PKIB: variants seen among roughly 807,000 people sequenced by gnomAD.
PKIB encodes cAMP-dependent protein kinase inhibitor beta.
In PKIB, 2 loss-of-function variants were observed where a neutral mutation model predicts 4.5. The observed-to-expected ratio is 0.44, with a 90% CI of 0.18 to 1.39. PKIB has a LOEUF of 1.39. Among genes scored for constraint, PKIB ranks in the 40% most tolerant of loss-of-function variants. The pLI, the probability that PKIB is intolerant of heterozygous loss-of-function variation, is 0.27. For missense variants in PKIB, 94 were observed against 92.6 expected (o/e 1.02, Z -0.06); for synonymous variants, 38 against 36.0 (o/e 1.06, Z -0.20).
At chr6:122,563,971 G>A (rs2114678409) in intron 2 of PKIB, among the ~76,000 whole-genome samples, 1 of 152,294 alleles carries the variant, frequency 6.6e-6, no homozygotes, top group East Asian at 1.9e-4. Flanking sequence ...TGGCAAGGAG[G>A]CTTCTCATCG....
intron 3 of PKIB, among the ~76,000 whole-genome samples, chr6:122,690,210 C>T (rs1300252966): frequency 6.6e-6 from 1 of 151,370 alleles, no homozygotes; most frequent in Non-Finnish European, 1.5e-5. Flanking sequence ...ATCCATTCAA[C>T]CACTCTGTGT....
chr6:122,697,974 A>G (rs939882652), intron 3 of PKIB, among the ~76,000 whole-genome samples: 2 of 152,158 alleles, frequency 1.3e-5, no homozygotes, highest in Non-Finnish European at 2.9e-5. Flanking sequence ...CTTTAAAGTG[A>G]GACCCTTAGG....
chr6:122,676,968 C>A (rs1397988365), intron 3 of PKIB, among the ~76,000 whole-genome samples: 1 of 152,118 alleles, frequency 6.6e-6, no homozygotes, highest in Non-Finnish European at 1.5e-5. Context: ...CCGTGATTTC[C>A]TGTCTTTACT....
chr6:122,642,437 G>T (rs1776156046), intron 2 of PKIB, among the ~76,000 whole-genome samples: 1 of 152,218 alleles, frequency 6.6e-6, no homozygotes, highest in South Asian at 2.1e-4. Context: ...GGCATTCTTA[G>T]AGACACCTCG....
At chr6:122,719,619 G>A (rs1351384472) in intron 4 of PKIB, among the ~76,000 whole-genome samples, 2 of 151,872 alleles carry the variant, frequency 1.3e-5, no homozygotes, top group Non-Finnish European at 2.9e-5. Flanking sequence ...TAAGTTCAGG[G>A]GATCTATTGT....
intron 2 of PKIB, chr6:122,479,067 C>A (rs757179239): frequency 6.6e-6 from 1 of 152,144 alleles, no homozygotes; most frequent in Admixed American, 6.5e-5. Flanking sequence ...GCTTGCCCTT[C>A]GTGGCTGCAC....
chr6:122,683,515 C>T (rs1019625808), intron 3 of PKIB, among the ~76,000 whole-genome samples: 5 of 152,164 alleles, frequency 3.3e-5, no homozygotes, highest in African/African-American at 7.2e-5. Context: ...GATTACAATT[C>T]AGCAGAGATT....
chr6:122,653,316 T>G (rs1451375954), intron 2 of PKIB, among the ~76,000 whole-genome samples: 1 of 152,122 alleles, frequency 6.6e-6, no homozygotes, highest in Non-Finnish European at 1.5e-5. Context: ...CTTCCTGGAT[T>G]GTTTTTCCAG....
Position 122,560,484 on chromosome 6 carries a change from T to C in PKIB, c.-247-25437T>C, listed in dbSNP as rs868736788. On this transcript the variant is annotated intron_variant, in intron 2 of 6. Transcript: ENST00000392491. ...TTAGCATCAGTGTTCATCAAAGATA[T>C]CAGTCTGTAGTTTTCTTTTTTGGTT... Among the ~76,000 whole-genome samples, 16 of 152,278 alleles carry C rather than the reference T, an allele frequency of 1.1e-4. No homozygotes were observed. In the South Asian group the frequency reaches 2.3e-3, roughly 22 times the overall value.
At chr6:122,651,733 A>G (rs113796261) in intron 2 of PKIB, among the ~76,000 whole-genome samples, 227 of 152,274 alleles carry the variant, frequency 1.5e-3, no homozygotes, top group African/African-American at 5.3e-3. Context: ...GTTATAGGAG[A>G]TAAGGATTTG....
intron 1 of PKIB, among the ~76,000 whole-genome samples, chr6:122,624,816 A>G (rs894468458): frequency 2.0e-5 from 3 of 152,164 alleles, no homozygotes; most frequent in Non-Finnish European, 4.4e-5. Flanking sequence ...CAAAAGATCC[A>G]CTCTGTGATA....
intron 3 of PKIB, among the ~76,000 whole-genome samples, chr6:122,593,566 T>G (rs1774079262): frequency 6.6e-6 from 1 of 152,216 alleles, no homozygotes; most frequent in African/African-American, 2.4e-5. Context: ...TCAAAATCTG[T>G]TCCCTTGTTG....
rs114294601 is a variant in PKIB at position 122,702,847 on chromosome 6, G to T, written c.-8-14940G>T. On this transcript the variant is annotated intron_variant, in intron 3 of 4. Coordinates refer to ENST00000368452, the MANE Select transcript of PKIB (RefSeq NM_181795.3). ...ACTTTTTATAATAATAACTATATAT[G>T]ATATAGTATAGGTCTTAACTGTATC... 9.3e-3 allele frequency among the ~76,000 whole-genome samples: 1,412 copies of T among 152,164 alleles called. 29 individuals carry two copies. The East Asian group carries it at 0.097, about 10-fold the overall frequency.
intron 1 of PKIB, among the ~76,000 whole-genome samples, chr6:122,620,599 G>A (rs1413051687): frequency 1.3e-5 from 2 of 152,140 alleles, no homozygotes; most frequent in Admixed American, 1.3e-4. Context: ...CACAAGGCAT[G>A]AAAGTGGTTA....
intron 3 of PKIB, among the ~76,000 whole-genome samples, chr6:122,588,036 C>A (rs1773903342): frequency 6.6e-6 from 1 of 152,074 alleles, no homozygotes; most frequent in South Asian, 2.1e-4. Flanking sequence ...AATTAGATCC[C>A]ATTTGTCAGT....
intron 3 of PKIB, among the ~76,000 whole-genome samples, chr6:122,588,617 A>T (rs1257163347): frequency 6.6e-6 from 1 of 152,190 alleles, no homozygotes; most frequent in Non-Finnish European, 1.5e-5. Context: ...GTAGTTTTTT[A>T]AAAAATCACA....
chr6:122,514,852 AG>A (rs1489137713), intron 2 of PKIB, among the ~76,000 whole-genome samples: 1 of 152,186 alleles, frequency 6.6e-6, no homozygotes, highest in Non-Finnish European at 1.5e-5. Flanking sequence ...TGTAAGCCCC[AG>A]GGGTGAGAGG....
chr6:122,529,763 C>T (rs931581787), intron 2 of PKIB, among the ~76,000 whole-genome samples: 1 of 152,114 alleles, frequency 6.6e-6, no homozygotes, highest in African/African-American at 2.4e-5. Flanking sequence ...TATTCTACTT[C>T]CTTCTAGCCT....
At chr6:122,624,526 G>T (rs1056514367) in intron 1 of PKIB, among the ~76,000 whole-genome samples, 1 of 152,154 alleles carries the variant, frequency 6.6e-6, no homozygotes, top group African/African-American at 2.4e-5. Flanking sequence ...AACTGCTTTT[G>T]AGTCAATTCT....
Sources: allele counts gnomAD v4.1 joint callset (sites outside exome capture counted in the v4.1 genomes callset), GRCh38; gene constraint gnomAD v4.1.1; transcripts MANE v1.5; gene names NCBI Gene and HGNC (gene_info 2026-07-23, HGNC 2026-07-21).